SRGAP1: variants seen among roughly 807,000 people sequenced by gnomAD.
The protein encoded by SRGAP1 is SLIT-ROBO Rho GTPase-activating protein 1.
Under a neutral mutation model 121.9 loss-of-function variants are expected in SRGAP1, and 43 were observed. The observed-to-expected ratio is 0.35, with a 90% CI of 0.28 to 0.46. The LOEUF is 0.46. SRGAP1 is among the 20% of genes least tolerant of loss of function. The pLI, the probability that SRGAP1 is intolerant of heterozygous loss-of-function variation, is 1.00. For synonymous variants in SRGAP1, 447 were observed against 485.4 expected, an observed-to-expected ratio of 0.92 and a Z score of 1.04; for missense variants, 1,102 against 1,350.9, an observed-to-expected ratio of 0.82 and a Z score of 2.89.
chr12:63,861,913 GGAGTTTGAGACCA>G (rs895683707), intron 1 of SRGAP1, among the ~76,000 whole-genome samples: 3 of 152,134 alleles, frequency 2.0e-5, no homozygotes, highest in African/African-American at 7.2e-5. Context: ...CCTGAGGTCA[GGAGTTTGAGACCA>G]GCCTGGCCGA....
At chr12:63,903,068 T>G (rs1449780997) in intron 1 of SRGAP1, among the ~76,000 whole-genome samples, 1 of 151,014 alleles carries the variant, frequency 6.6e-6, no homozygotes, top group Non-Finnish European at 1.5e-5. Context: ...AACTATTATA[T>G]ATATATATAT....
chr12:64,132,686 A>G (rs1387370439), intron 21 of SRGAP1, among the ~76,000 whole-genome samples: 2 of 152,240 alleles, frequency 1.3e-5, no homozygotes, highest in Non-Finnish European at 2.9e-5. Flanking sequence ...TGTCTCACCA[A>G]TAAGTCCAGT....
At chr12:63,955,348 G>A (rs931474346) in intron 1 of SRGAP1, among the ~76,000 whole-genome samples, 1 of 152,112 alleles carries the variant, frequency 6.6e-6, no homozygotes, top group Admixed American at 6.6e-5. Context: ...AATAAAAACT[G>A]CATATATTTA....
intron 8 of SRGAP1, among the ~76,000 whole-genome samples, chr12:64,065,953 A>G (rs764142158): frequency 6.6e-6 from 1 of 152,270 alleles, no homozygotes; most frequent in Non-Finnish European, 1.5e-5. Flanking sequence ...CTAGGAAGCA[A>G]TTATACAATT....
intron 6 of SRGAP1, among the ~76,000 whole-genome samples, chr12:64,052,555 C>CA (rs548163366): frequency 0.017 from 2,286 of 132,308 alleles, 46 homozygotes; most frequent in African/African-American, 0.057. Flanking sequence ...AAGTCAGTCT[C>CA]AAAAAAAAAA....
intron 15 of SRGAP1, among the ~76,000 whole-genome samples, chr12:64,102,263 T>G (rs1398602589): frequency 2.6e-5 from 4 of 152,250 alleles, no homozygotes; most frequent in Admixed American, 6.5e-5. Context: ...TGTTATGCAA[T>G]TAACATGTTA....
chr12:63,859,683 T>C (rs1400695927), intron 1 of SRGAP1, among the ~76,000 whole-genome samples: 1 of 152,210 alleles, frequency 6.6e-6, no homozygotes, highest in Non-Finnish European at 1.5e-5. Flanking sequence ...AATATAAGTA[T>C]TTAGAATGTA....
rs558248193 is a variant in SRGAP1 at position 64,044,674 on chromosome 12, C to CTTTTTTTTTTTTTTTTTTTTTTTTTTT, written c.801+1124_801+1125insTTTTTTTTTTTTTTTTTTTTTTTTTTT. On this transcript the variant is annotated intron_variant, in intron 6 of 21. Coordinates refer to ENST00000355086, the MANE Select transcript of SRGAP1 (RefSeq NM_020762.4). ...AGCTTATTAACACTCTGATGTGCCT[C>CTTTTTTTTTTTTTTTTTTTTTTTTTTT]TTTTTTTTTTTTTTTTTTTTTTTTT... is the stretch of plus-strand genomic sequence containing the variant. Among the ~76,000 whole-genome samples the CTTTTTTTTTTTTTTTTTTTTTTTTTTT allele has an allele frequency of 3.7e-4, 27 of 72,122 alleles. 4 individuals are homozygous for CTTTTTTTTTTTTTTTTTTTTTTTTTTT. Among genetic ancestry groups the CTTTTTTTTTTTTTTTTTTTTTTTTTTT allele is most frequent in the South Asian group, 9.8e-4 (2 of 2,048 alleles). 47.3% of individuals were successfully genotyped at this position (72,122 alleles called of 152,430 possible). A position where few individuals can be genotyped will look rare whatever the true frequency, so the allele number is the denominator to read the frequency against.
In SRGAP1 at chr12:63,867,048, G is replaced by A. The variant is rs111398133; in HGVS notation, c.67+22165G>A. On this transcript the variant is annotated intron_variant, in intron 1 of 21. Transcript: ENST00000355086. ...TATTCCCAGCTAATTTTTTTATTTCGCCGTGTTGCCCACGGTGGTCTCGAA... is the reference window on the plus strand; with the variant it reads ...TATTCCCAGCTAATTTTTTTATTTCACCGTGTTGCCCACGGTGGTCTCGAA... Among the ~76,000 whole-genome samples, 735 of 151,892 alleles carry A rather than the reference G, an allele frequency of 4.8e-3. 11 individuals carry two copies. Among genetic ancestry groups the A allele is most frequent in the African/African-American group, 0.017 (703 of 41,434 alleles).
At chr12:64,097,109 A>G (rs1051375684) in intron 14 of SRGAP1, 132 bp from the exon 15 acceptor site, 16 of 893,418 alleles carry the variant, frequency 1.8e-5, no homozygotes, top group Non-Finnish European at 2.2e-5. Flanking sequence ...TAATTTTAGT[A>G]CCATATAATC....
chr12:64,095,539 C>T (rs55811544), intron 14 of SRGAP1, among the ~76,000 whole-genome samples: 4,187 of 152,166 alleles, frequency 0.028, 200 homozygotes, highest in African/African-American at 0.094. Context: ...GGAGGCAGCT[C>T]CTCCCTGCTG....
At chr12:64,060,874 T>C (rs1044650949) in intron 6 of SRGAP1, among the ~76,000 whole-genome samples, 1 of 152,186 alleles carries the variant, frequency 6.6e-6, no homozygotes, top group Non-Finnish European at 1.5e-5. Flanking sequence ...GTTTATTTAC[T>C]ATGTTCCAAT....
Position 63,903,239 on chromosome 12 carries a change from A to G in SRGAP1, c.67+58356A>G, listed in dbSNP as rs2030022526. ...GTCTTGTTTTGTTTTGTTGAAATGG[A>G]GTATCACTCTGTCACCAGGCTGGTG... On this transcript the variant is annotated intron_variant, in intron 1 of 21. Transcript: ENST00000355086. Among the ~76,000 whole-genome samples, 4 of 151,986 alleles carry G rather than the reference A, an allele frequency of 2.6e-5. No homozygotes were observed. In the South Asian group the frequency reaches 8.3e-4, roughly 32 times the overall value.
intron 1 of SRGAP1, among the ~76,000 whole-genome samples, chr12:63,868,277 C>T (rs1181117755): frequency 1.3e-5 from 2 of 151,176 alleles, no homozygotes; most frequent in Non-Finnish European, 2.9e-5. Context: ...GAGATGGGGT[C>T]TCACCAGGTT....
intron 1 of SRGAP1, among the ~76,000 whole-genome samples, chr12:63,897,579 C>A (rs1449239072): frequency 6.6e-6 from 1 of 152,202 alleles, no homozygotes; most frequent in African/African-American, 2.4e-5. Flanking sequence ...GTAACTCCGA[C>A]ATGCTCTCAA....
chr12:64,131,453 C>A (rs2036783578), intron 21 of SRGAP1, among the ~76,000 whole-genome samples: 1 of 152,220 alleles, frequency 6.6e-6, no homozygotes, highest in Non-Finnish European at 1.5e-5. Flanking sequence ...GAAGTTCTGC[C>A]CACTGGGAAA....
intron 1 of SRGAP1, among the ~76,000 whole-genome samples, chr12:63,862,734 G>C (rs140602936): frequency 6.6e-6 from 1 of 152,158 alleles, no homozygotes; most frequent in Non-Finnish European, 1.5e-5. Context: ...ATGTAATGGC[G>C]CTGTGTATTT....
In SRGAP1 at chr12:64,021,683, C is replaced by A. The variant is rs557652600; in HGVS notation, c.489+4671C>A. Among the ~76,000 whole-genome samples the A allele has an allele frequency of 2.0e-5, 3 of 152,328 alleles. No homozygotes were observed. In the East Asian group the frequency reaches 5.8e-4, roughly 29 times the overall value. ...CTAAATGTTAATGCCTCCCCCACAA[C>A]ACAGAGAACATAAGCAATTTATCTA... is the stretch of plus-strand genomic sequence containing the variant. On this transcript the variant is annotated intron_variant, in intron 4 of 21. Transcript: ENST00000355086.
chr12:63,927,224 T>C (rs1246698236), intron 1 of SRGAP1, among the ~76,000 whole-genome samples: 1 of 152,254 alleles, frequency 6.6e-6, no homozygotes. Context: ...CATCCATTCC[T>C]ATTCTACAGT....
Sources: gnomAD v4.1 joint callset for allele counts (sites outside exome capture counted in the v4.1 genomes callset) on GRCh38, gnomAD v4.1.1 for gene constraint, MANE v1.5 for transcripts, NCBI Gene and HGNC (gene_info 2026-07-23, HGNC 2026-07-21) for gene names.